Variants in MAPRE3 observed in about 807,000 individuals in gnomAD.
The protein encoded by MAPRE3 is microtubule associated protein RP/EB family member 3.
Under a neutral mutation model 30.5 loss-of-function variants are expected in MAPRE3, and 2 were observed. The ratio of observed to expected loss-of-function variants is 0.07; its 90% CI spans 0.03 to 0.21. MAPRE3 has a LOEUF of 0.21. Among genes scored for constraint, MAPRE3 ranks in the 10% least tolerant of loss-of-function variants. The pLI, the probability that MAPRE3 is intolerant of heterozygous loss-of-function variation, is 1.00. For synonymous variants in MAPRE3, 110 were observed against 127.7 expected (o/e 0.86, Z 0.93); for missense variants, 204 against 351.8 (o/e 0.58, Z 3.36).
In MAPRE3 at chr2:26,995,825, G is replaced by GTGTGTGTA. The variant is rs1473997599; in HGVS notation, c.-8+25028_-8+25029insGTATGTGT. On this transcript the variant is annotated intron_variant, in intron 1 of 6. Coordinates refer to ENST00000233121, the MANE Select transcript of MAPRE3 (RefSeq NM_012326.4). Reference sequence around the variant, plus strand: ...TGTGTGTGTGTGTGTGTGTGTGTGTGTGTGTATGTGTGTGTGTTTTGGAAA... The same window carrying GTGTGTGTA: ...TGTGTGTGTGTGTGTGTGTGTGTGTGTGTGTGTATGTGTATGTGTGTGTGTTTTGGAAA... 9.0e-4 allele frequency among the ~76,000 whole-genome samples: 135 copies of GTGTGTGTA among 149,288 alleles called. No homozygotes were observed. In the East Asian group the frequency reaches 0.011, roughly 12 times the overall value.
At chr2:26,987,165 G>C (rs1371328719) in intron 1 of MAPRE3, among the ~76,000 whole-genome samples, 2 of 151,816 alleles carry the variant, frequency 1.3e-5, no homozygotes, top group Non-Finnish European at 2.9e-5. Context: ...AGTGTAATGT[G>C]GGAATAAAAA....
At chr2:27,025,525 TC>T (rs1667218063) in intron 4 of MAPRE3, 57 bp from the exon 5 acceptor site, 2 of 1,511,840 alleles carry the variant, frequency 1.3e-6, no homozygotes, top group Non-Finnish European at 1.8e-6. Context: ...CCAGGCTGTC[TC>T]CTGCCACGTG....
chr2:27,025,139 G>T (rs1348978615), intron 4 of MAPRE3, among the ~76,000 whole-genome samples: 1 of 152,164 alleles, frequency 6.6e-6, no homozygotes, highest in East Asian at 1.9e-4. Context: ...CCTGACACAG[G>T]GCCCCTGGAG....
intron 4 of MAPRE3, 52 bp from the exon 5 acceptor site, chr2:27,025,531 C>T (rs1667218293): frequency 1.3e-6 from 2 of 1,520,826 alleles, no homozygotes; most frequent in Non-Finnish European, 1.8e-6. Flanking sequence ...TGTCTCCTGC[C>T]ACGTGCGCTG....
At chr2:27,006,625 G>A (rs1031926251) in intron 1 of MAPRE3, among the ~76,000 whole-genome samples, 8 of 151,988 alleles carry the variant, frequency 5.3e-5, no homozygotes, top group African/African-American at 1.9e-4. Flanking sequence ...GTAGAGACGG[G>A]GTCATGCTAT....
rs1281041198 is a variant in MAPRE3 at position 26,985,725 on chromosome 2, A to C, written c.-8+14923A>C. 6.6e-6 allele frequency among the ~76,000 whole-genome samples: 1 copy of C among 152,224 alleles called. No individual in the cohort carries two copies. Among genetic ancestry groups the C allele is most frequent in the Non-Finnish European group, 1.5e-5 (1 of 68,040 alleles). ...CTTATATGGCAATAAGTGTTAATTA[A>C]GTTAAGGATCTTGAGAGAGAGGTTT... On this transcript the variant is annotated intron_variant, in intron 1 of 6. Transcript: ENST00000233121. The surrounding 1 kb of genome is among the most constrained non-coding windows in gnomAD (Gnocchi z 4.2).
At position 27,026,288 on chromosome 2, in the gene MAPRE3, C is replaced by T. The variant is rs1200271272; in HGVS notation, c.786C>T (p.Phe262=). The T allele has an allele frequency of 1.4e-5, 23 of 1,613,554 alleles. No individual in the cohort carries two copies. Among genetic ancestry groups the T allele is most frequent in the African/African-American group, 4.0e-5 (3 of 74,906 alleles). Residue 262 remains phenylalanine, a synonymous_variant, in exon 7 of 7, where the codon TTC becomes TTT. Coordinates refer to ENST00000233121, the MANE Select transcript of MAPRE3 (RefSeq NM_012326.4). ...IGILYATEEG[F]APPEDDEIEE... is the part of the protein sequence containing the mutation. ...TCTCTCCCACCCTCCAGGAAGGATT[C>T]GCACCCCCTGAGGACGATGAGATTG...
At position 27,022,247 on chromosome 2, in the gene MAPRE3, T is replaced by C; in HGVS notation, c.29T>C (p.Val10Ala). The change falls in exon 2 of 7, where the codon GTG becomes GCG. Residue 10 changes from valine to alanine, a missense_variant. By Grantham distance (64) the Val-to-Ala change is moderately conservative. Coordinates refer to ENST00000233121, the MANE Select transcript of MAPRE3 (RefSeq NM_012326.4). ...GCCGTCAATGTGTACTCCACATCTG[T>C]GACCAGTGAAAATCTGAGTCGCCAT... is the stretch of plus-strand genomic sequence containing the variant. Reference protein sequence around the residue: MAVNVYSTSVTSENLSRHDM... With the variant: MAVNVYSTSATSENLSRHDM... The C allele has an allele frequency of 6.2e-7, 1 of 1,614,110 alleles. No homozygotes were observed. Among genetic ancestry groups the C allele is most frequent in the Non-Finnish European group, 8.5e-7 (1 of 1,180,036 alleles).
At chr2:27,010,304 A>G (rs747737537) in intron 1 of MAPRE3, among the ~76,000 whole-genome samples, 9 of 152,178 alleles carry the variant, frequency 5.9e-5, no homozygotes, top group Non-Finnish European at 1.2e-4. Context: ...GAGTAGCTGG[A>G]GAAAGATCGT....
chr2:26,983,513 C>T (rs150144683), intron 1 of MAPRE3, among the ~76,000 whole-genome samples: 94 of 152,316 alleles, frequency 6.2e-4, no homozygotes, highest in Non-Finnish European at 8.5e-4. Flanking sequence ...CAAGAGGACT[C>T]ATGCCTCTGA....
Position 27,006,487 on chromosome 2 carries a change from G to A in MAPRE3, c.-7-15725G>A, listed in dbSNP as rs148046565. Among the ~76,000 whole-genome samples the A allele has an allele frequency of 7.3e-4, 111 of 152,318 alleles. 1 individual carries two copies. The highest frequency in any genetic ancestry group is 3.4e-3 in the Middle Eastern group (1 of 294). On this transcript the variant is annotated intron_variant, in intron 1 of 6. Coordinates refer to ENST00000233121, the MANE Select transcript of MAPRE3 (RefSeq NM_012326.4). The stretch of plus-strand genomic sequence containing the variant: ...ACTCTGTCACTAAGGCTGGGGTGCC[G>A]TGGCATGATCACAGCTCATTGAAGC...
intron 1 of MAPRE3, among the ~76,000 whole-genome samples, chr2:26,975,979 C>T (rs1357676097): frequency 6.6e-6 from 1 of 152,172 alleles, no homozygotes; most frequent in African/African-American, 2.4e-5. Flanking sequence ...TAGTCCCCTC[C>T]ATCTGTTGAC....
intron 1 of MAPRE3, among the ~76,000 whole-genome samples, chr2:26,997,932 G>T (rs918474286): frequency 1.3e-5 from 2 of 152,206 alleles, no homozygotes; most frequent in Admixed American, 6.5e-5. Context: ...CCTTCAGTCT[G>T]GTTCTTGACC....
chr2:27,026,179 T>C, intron 6 of MAPRE3, 101 bp from the exon 7 acceptor site: 1 of 1,374,530 alleles, frequency 7.3e-7, no homozygotes, highest in Non-Finnish European at 1.0e-6. Context: ...TTAGCAGGGC[T>C]CCTGGACTCC....
Position 27,015,365 on chromosome 2 carries a change from A to C in MAPRE3, c.-7-6847A>C, listed in dbSNP as rs544129823. ...TCACTTTATAGATGAGGACACTGAG[A>C]CCTAAAGTCAAGTCAGACAGCTAGG... On this transcript the variant is annotated intron_variant, in intron 1 of 6. Transcript: ENST00000233121. This position sits in a 1 kb window ranked among gnomAD's most constrained non-coding sequence, Gnocchi z 4.0. 2.0e-5 allele frequency among the ~76,000 whole-genome samples: 3 copies of C among 152,290 alleles called. No individual in the cohort carries two copies. In the South Asian group the frequency reaches 6.2e-4, roughly 32 times the overall value.
In MAPRE3 at chr2:27,026,527, T is replaced by A; in HGVS notation, c.*179T>A. 1.8e-6 allele frequency: 1 copy of A among 564,780 alleles called. No individual in the cohort carries two copies. The highest frequency in any genetic ancestry group is 3.1e-6 in the Non-Finnish European group (1 of 323,222). The allele number at this position is 564,780 out of a possible 1,614,324, so 35.0% of individuals were successfully genotyped here. On this transcript the variant is annotated 3_prime_UTR_variant, in exon 7 of 7. Transcript: ENST00000233121. ...GGGCCGGAAAGCAGGCAGAAGCCCG[T>A]CCTGGGTGGTGCTGGCCCAGTTGGT...
chr2:26,997,732 A>G (rs937395586), intron 1 of MAPRE3, among the ~76,000 whole-genome samples: 4 of 152,230 alleles, frequency 2.6e-5, no homozygotes, highest in Non-Finnish European at 5.9e-5. Flanking sequence ...GGTAACTTAA[A>G]TGTTGTGTAG....
chr2:26,985,911 C>T lies in MAPRE3; in HGVS notation c.-8+15109C>T, dbSNP rs1666208782. Among the ~76,000 whole-genome samples, 1 of 152,056 alleles carries T rather than the reference C, an allele frequency of 6.6e-6. No individual in the cohort carries two copies. Among genetic ancestry groups the T allele is most frequent in the East Asian group, 1.9e-4 (1 of 5,180 alleles). Reference sequence around the variant, plus strand: ...TGGAAGAGAGGCAGGGAGCAGATTCCCCCAAGAGCCTTCAGAGGGAGGGCA... The same window carrying T: ...TGGAAGAGAGGCAGGGAGCAGATTCTCCCAAGAGCCTTCAGAGGGAGGGCA... On this transcript the variant is annotated intron_variant, in intron 1 of 6. Coordinates refer to ENST00000233121, the MANE Select transcript of MAPRE3 (RefSeq NM_012326.4). The surrounding 1 kb of genome is among the most constrained non-coding windows in gnomAD (Gnocchi z 4.2).
At chr2:26,981,746 G>T (rs1036795684) in intron 1 of MAPRE3, among the ~76,000 whole-genome samples, 2 of 152,168 alleles carry the variant, frequency 1.3e-5, no homozygotes, top group African/African-American at 4.8e-5. Context: ...TCAGCCAGTG[G>T]CTTCTGTGGT....
Sources: gnomAD v4.1 joint callset for allele counts (sites outside exome capture counted in the v4.1 genomes callset) on GRCh38, gnomAD v4.1.1 for gene constraint, Gnocchi (gnomAD v3.1) non-coding constraint, MANE v1.5 for transcripts, NCBI Gene and HGNC (gene_info 2026-07-23, HGNC 2026-07-21) for gene names.